Variants in TMEM38B observed in about 807,000 individuals in gnomAD.
The protein encoded by TMEM38B is trimeric intracellular cation channel type B.
A neutral mutation model predicts 28.7 loss-of-function variants in TMEM38B; 24 were observed. That is an observed-to-expected ratio of 0.84 (90% CI 0.61 to 1.18). The LOEUF (loss-of-function observed/expected upper bound fraction) is 1.18. Among genes scored for constraint, TMEM38B ranks in the 50% most tolerant of loss-of-function variants. The pLI, the probability that TMEM38B is intolerant of heterozygous loss-of-function variation, is 0.00. For synonymous variants in TMEM38B, 131 were observed against 127.7 expected (o/e 1.03, Z -0.17); for missense variants, 380 against 350.9 (o/e 1.08, Z -0.66).
At chr9:105,748,586 C>T (rs531561583) in intron 5 of TMEM38B, among the ~76,000 whole-genome samples, 1 of 152,268 alleles carries the variant, frequency 6.6e-6, no homozygotes, top group Non-Finnish European at 1.5e-5. Flanking sequence ...TATTTGTAGT[C>T]ATTCTTTTCT....
At chr9:105,756,202 A>G (rs773352789) in intron 5 of TMEM38B, among the ~76,000 whole-genome samples, 2 of 152,226 alleles carry the variant, frequency 1.3e-5, no homozygotes, top group African/African-American at 2.4e-5. Flanking sequence ...AGGATTTTCT[A>G]TATGCAGGAT....
intron 2 of TMEM38B, among the ~76,000 whole-genome samples, chr9:105,708,594 A>G (rs1176162577): frequency 1.3e-5 from 2 of 152,164 alleles, no homozygotes; most frequent in African/African-American, 4.8e-5. Context: ...AACGTCTTAC[A>G]ACTCTATTCT....
chr9:105,764,331 C>A (rs1474399255), intron 5 of TMEM38B, among the ~76,000 whole-genome samples: 2 of 152,226 alleles, frequency 1.3e-5, no homozygotes, highest in Middle Eastern at 3.4e-3. Flanking sequence ...ATCTAGAAAA[C>A]CCCATTGTCT....
chr9:105,744,452 A>G (rs139018692), intron 4 of TMEM38B, among the ~76,000 whole-genome samples: 142 of 152,226 alleles, frequency 9.3e-4, no homozygotes, highest in African/African-American at 3.2e-3. Context: ...AGCACTGTCT[A>G]CGTATCCAAG....
At chr9:105,743,243 AT>A (rs1427903074) in intron 4 of TMEM38B, among the ~76,000 whole-genome samples, 3 of 152,110 alleles carry the variant, frequency 2.0e-5, no homozygotes, top group African/African-American at 7.2e-5. Flanking sequence ...AGTGATACTG[AT>A]TTTAGATTTT....
chr9:105,697,739 A>T (rs1588377718), intron 1 of TMEM38B, among the ~76,000 whole-genome samples: 1 of 152,134 alleles, frequency 6.6e-6, no homozygotes, highest in African/African-American at 2.4e-5. Context: ...AAGTTTAAAA[A>T]ATCTCATAAT....
At chr9:105,705,813 T>C in intron 2 of TMEM38B, 60 bp downstream of exon 2, 1 of 1,502,962 alleles carries the variant, frequency 6.7e-7, no homozygotes, top group African/African-American at 1.4e-5. Flanking sequence ...AAATTGTTAG[T>C]AAAATGAATT....
At chr9:105,734,584 T>G (rs1420183623) in intron 4 of TMEM38B, among the ~76,000 whole-genome samples, 1 of 152,104 alleles carries the variant, frequency 6.6e-6, no homozygotes, top group Non-Finnish European at 1.5e-5. Flanking sequence ...TTCCTGTCTA[T>G]TAATATTTGT....
intron 5 of TMEM38B, among the ~76,000 whole-genome samples, chr9:105,754,629 G>T (rs1837769846): frequency 6.6e-6 from 1 of 152,180 alleles, no homozygotes; most frequent in Non-Finnish European, 1.5e-5. Context: ...AGCTAAGGCA[G>T]TGTTAAGAGG....
intron 1 of TMEM38B, chr9:105,700,886 G>A (rs1003957069): frequency 6.6e-6 from 1 of 151,988 alleles, no homozygotes; most frequent in African/African-American, 2.4e-5. Context: ...GATAAAAATA[G>A]AACATTTATG....
In TMEM38B at chr9:105,774,917, G is replaced by T. The variant is rs894658002; in HGVS notation, c.*837G>T. ...AAACACATTTGTTTTAATTGTAGGA[G>T]AAATTTTCTCAGCATTTTGCATGTT... is the stretch of plus-strand genomic sequence containing the variant. On this transcript the variant is annotated 3_prime_UTR_variant, in exon 6 of 6. Transcript: ENST00000374692. 1 of 151,926 alleles carries T rather than the reference G, an allele frequency of 6.6e-6. No homozygotes were observed. Among genetic ancestry groups the T allele is most frequent in the Non-Finnish European group, 1.5e-5 (1 of 67,942 alleles). 9.4% of individuals were successfully genotyped at this position (151,926 alleles called of 1,614,324 possible).
intron 4 of TMEM38B, among the ~76,000 whole-genome samples, chr9:105,741,798 G>A (rs1187079882): frequency 3.3e-5 from 5 of 152,290 alleles, no homozygotes; most frequent in African/African-American, 1.2e-4. Context: ...TCAAAACCAG[G>A]ACTCAATCAT....
chr9:105,717,405 T>C (rs911662170), intron 2 of TMEM38B, among the ~76,000 whole-genome samples: 3 of 132,294 alleles, frequency 2.3e-5, no homozygotes, highest in African/African-American at 3.3e-5. Context: ...TGTACAGATA[T>C]GTGCAAGAAT....
intron 4 of TMEM38B, among the ~76,000 whole-genome samples, chr9:105,740,852 A>G (rs1837177226): frequency 6.6e-6 from 1 of 152,232 alleles, no homozygotes; most frequent in Admixed American, 6.5e-5. Flanking sequence ...ATGTGTCAGT[A>G]TATTTCTATA....
At chr9:105,719,720 C>T (rs189734748) in intron 2 of TMEM38B, among the ~76,000 whole-genome samples, 48 of 152,064 alleles carry the variant, frequency 3.2e-4, no homozygotes, top group African/African-American at 1.1e-3. Context: ...AGTTGAATAC[C>T]GAAGTCCAAG....
intron 2 of TMEM38B, among the ~76,000 whole-genome samples, chr9:105,716,286 A>G (rs370353596): frequency 6.6e-6 from 1 of 152,010 alleles, no homozygotes; most frequent in African/African-American, 2.4e-5. Context: ...GAGGGACTAA[A>G]TTGTTCCAAC....
intron 5 of TMEM38B, among the ~76,000 whole-genome samples, chr9:105,761,209 T>G (rs988043480): frequency 6.6e-6 from 1 of 152,230 alleles, no homozygotes; most frequent in African/African-American, 2.4e-5. Context: ...CTCAGTGAGA[T>G]AATTCTCAGC....
chr9:105,764,333 C>A (rs1409352584), intron 5 of TMEM38B, among the ~76,000 whole-genome samples: 2 of 152,076 alleles, frequency 1.3e-5, no homozygotes, highest in Non-Finnish European at 2.9e-5. Context: ...CTAGAAAACC[C>A]CATTGTCTCA....
chr9:105,746,828 G>A (rs1350921692), intron 4 of TMEM38B, among the ~76,000 whole-genome samples: 2 of 152,162 alleles, frequency 1.3e-5, no homozygotes, highest in Non-Finnish European at 2.9e-5. Flanking sequence ...TGCATCTATT[G>A]AGATAATCGT....
Sources: gnomAD v4.1 joint callset for allele counts (sites outside exome capture counted in the v4.1 genomes callset) on GRCh38, gnomAD v4.1.1 for gene constraint, MANE v1.5 for transcripts, NCBI Gene and HGNC (gene_info 2026-07-23, HGNC 2026-07-21) for gene names.